MECOM: variants seen among roughly 807,000 people sequenced by gnomAD.
MECOM encodes the protein MDS1 and EVI1 complex locus.
MECOM carries 13 observed loss-of-function variants against 116.3 expected under a neutral mutation model. That is an observed-to-expected ratio of 0.11 (90% CI 0.07 to 0.18). The LOEUF is 0.18. MECOM is among the 10% of genes least tolerant of loss of function. The pLI is 1.00. For synonymous variants in MECOM, 528 were observed against 535.2 expected (o/e 0.99, Z 0.19); for missense variants, 1,299 against 1,509.0 (o/e 0.86, Z 2.31).
chr3:169,598,323 G>A (rs1276642339), intron 1 of MECOM, among the ~76,000 whole-genome samples: 4 of 152,180 alleles, frequency 2.6e-5, no homozygotes, highest in African/African-American at 4.8e-5. Context: ...TGGCATCTTC[G>A]CAGCTGTAAT....
chr3:169,530,015 AC>A (rs1444495568), intron 1 of MECOM, among the ~76,000 whole-genome samples: 1 of 152,252 alleles, frequency 6.6e-6, no homozygotes, highest in African/African-American at 2.4e-5. Context: ...AGAGGCAGAA[AC>A]AAATTGGTAT....
chr3:169,295,465 A>G (rs1715412331), intron 2 of MECOM, among the ~76,000 whole-genome samples: 2 of 152,228 alleles, frequency 1.3e-5, no homozygotes, highest in Admixed American at 1.3e-4. Context: ...ATTAAAAAGT[A>G]CAATATCACT....
intron 1 of MECOM, among the ~76,000 whole-genome samples, chr3:169,394,865 C>T (rs1416074429): frequency 6.6e-6 from 1 of 152,098 alleles, no homozygotes. Context: ...TGGATCTCGA[C>T]ACCATTTCAA....
chr3:169,364,151 G>A (rs1728777701), intron 2 of MECOM, among the ~76,000 whole-genome samples: 3 of 151,936 alleles, frequency 2.0e-5, no homozygotes, highest in Admixed American at 2.0e-4. Context: ...TAAGGTTCCT[G>A]CCTTAGCTCT....
Position 169,472,522 on chromosome 3 carries a change from GAAAA to G in MECOM, c.38-91002_38-90999del, listed in dbSNP as rs1249525418. On this transcript the variant is annotated intron_variant, in intron 1 of 16. Transcript: ENST00000651503. Reference sequence around the variant, plus strand: ...GGAAAGGAAAGGAAAGGAAAGGAAAGAAAAGAAAAGAAAAGGAAAGGAAAGGAAA... The same window carrying G: ...GGAAAGGAAAGGAAAGGAAAGGAAAGGAAAAGAAAAGGAAAGGAAAGGAAA... Among the ~76,000 whole-genome samples the G allele has an allele frequency of 7.9e-3, 693 of 87,716 alleles. 6 individuals are homozygous for G. Among genetic ancestry groups the G allele is most frequent in the Non-Finnish European group, 9.6e-3 (452 of 47,172 alleles). 57.5% of individuals were successfully genotyped at this position (87,716 alleles called of 152,430 possible).
intron 1 of MECOM, among the ~76,000 whole-genome samples, chr3:169,382,200 G>A (rs891635060): frequency 6.6e-6 from 1 of 152,140 alleles, no homozygotes; most frequent in African/African-American, 2.4e-5. Context: ...AAGAAATTGG[G>A]TAAATTTTCC....
intron 1 of MECOM, among the ~76,000 whole-genome samples, chr3:169,640,959 C>T (rs1773405942): frequency 6.6e-6 from 1 of 152,152 alleles, no homozygotes. Flanking sequence ...CATTCTCCCA[C>T]AGAGGGCATG....
intron 2 of MECOM, among the ~76,000 whole-genome samples, chr3:169,176,754 C>T (rs543141175): frequency 2.0e-5 from 3 of 152,102 alleles, no homozygotes; most frequent in East Asian, 3.9e-4. Context: ...TTACAAGGAA[C>T]TTAAACAAAT....
At chr3:169,099,982 G>A (rs369820855) in intron 12 of MECOM, among the ~76,000 whole-genome samples, 113 of 151,554 alleles carry the variant, frequency 7.5e-4, no homozygotes, top group African/African-American at 2.7e-3. Flanking sequence ...TGATAAAATT[G>A]CCCGTTTTTC....
rs10522068 is a variant in MECOM, at chr3:169,644,236, G to GTTTATTTATTTA, written c.37+19088_37+19099dup. Among the ~76,000 whole-genome samples, 22 of 148,156 alleles carry GTTTATTTATTTA rather than the reference G, an allele frequency of 1.5e-4. 1 individual carries two copies. Among genetic ancestry groups the GTTTATTTATTTA allele is most frequent in the African/African-American group, 4.3e-4 (17 of 39,642 alleles). On this transcript the variant is annotated intron_variant, in intron 1 of 16. Coordinates refer to ENST00000651503, the MANE Select transcript of MECOM (RefSeq NM_004991.4). ...TCCTCGCATTTTATTTTATTTATTT[G>GTTTATTTATTTA]TTTATTTATTTATTTATTTATTTAT...
intron 1 of MECOM, among the ~76,000 whole-genome samples, chr3:169,473,860 GA>G (rs1230081313): frequency 3.9e-5 from 6 of 151,910 alleles, no homozygotes; most frequent in Non-Finnish European, 4.4e-5. Context: ...AAAAGAGAAG[GA>G]AGAATAAATA....
At chr3:169,219,827 T>A (rs1326331569) in intron 2 of MECOM, among the ~76,000 whole-genome samples, 2 of 149,342 alleles carry the variant, frequency 1.3e-5, no homozygotes, top group African/African-American at 2.4e-5. Context: ...TGTATATATA[T>A]ATAAAATCAT....
At chr3:169,339,740 A>C (rs1443956076) in intron 2 of MECOM, among the ~76,000 whole-genome samples, 1 of 152,204 alleles carries the variant, frequency 6.6e-6, no homozygotes, top group African/African-American at 2.4e-5. Flanking sequence ...AAACAAAACA[A>C]GTAAAAAATG....
intron 1 of MECOM, among the ~76,000 whole-genome samples, chr3:169,568,818 G>A (rs1763552863): frequency 6.6e-6 from 1 of 152,158 alleles, no homozygotes; most frequent in Non-Finnish European, 1.5e-5. Flanking sequence ...CCGGGTTCTT[G>A]CCTTACAAGA....
At chr3:169,483,202 ATTTTTTT>A (rs200735642) in intron 1 of MECOM, among the ~76,000 whole-genome samples, 1 of 102,982 alleles carries the variant, frequency 9.7e-6, no homozygotes, top group South Asian at 3.0e-4. Flanking sequence ...TTTTATTTTT[ATTTTTTT>A]TTTTTTTTTG....
At chr3:169,536,415 G>GATAC (rs1759366688) in intron 1 of MECOM, among the ~76,000 whole-genome samples, 1 of 148,428 alleles carries the variant, frequency 6.7e-6, no homozygotes, top group South Asian at 2.1e-4. Flanking sequence ...AATAACCTGG[G>GATAC]GTATAGTCAA....
intron 2 of MECOM, among the ~76,000 whole-genome samples, chr3:169,263,122 T>TAC (rs1757792888): frequency 1.4e-5 from 1 of 73,810 alleles, no homozygotes; most frequent in African/African-American, 6.9e-5. Context: ...TATATATATA[T>TAC]ATATATGTTT....
intron 2 of MECOM, among the ~76,000 whole-genome samples, chr3:169,378,452 G>GCGAGCGA (rs1491467574): frequency 1.5e-5 from 1 of 64,554 alleles, no homozygotes; most frequent in Non-Finnish European, 3.0e-5. Context: ...AAAGAAAGAA[G>GCGAGCGA]GAAAGCAAGC....
Position 169,413,629 on chromosome 3 carries a change from A to G in MECOM, c.38-32105T>C, listed in dbSNP as rs566454961. Among the ~76,000 whole-genome samples, 495 of 152,196 alleles carry G rather than the reference A, an allele frequency of 3.3e-3. 3 individuals carry two copies. The highest frequency in any genetic ancestry group is 5.4e-3 in the Non-Finnish European group (367 of 68,012). On this transcript the variant is annotated intron_variant, in intron 1 of 16. Coordinates refer to ENST00000651503, the MANE Select transcript of MECOM (RefSeq NM_004991.4). ...ACTCCATGGAGCATAGCAAGCTAAG[A>G]TCCACTGGCTTGAAATTCTCACTGC...
Sources: gnomAD v4.1 joint callset for allele counts (sites outside exome capture counted in the v4.1 genomes callset) on GRCh38, gnomAD v4.1.1 for gene constraint, MANE v1.5 for transcripts, NCBI Gene and HGNC (gene_info 2026-07-23, HGNC 2026-07-21) for gene names.